The following UBE2W variants were observed in gnomAD, a reference collection of about 807,000 sequenced individuals.
UBE2W encodes the protein ubiquitin-conjugating enzyme E2 W.
A neutral mutation model predicts 27.2 loss-of-function variants in UBE2W; 18 were observed. The observed-to-expected ratio is 0.66, with a 90% CI of 0.46 to 0.98. The LOEUF (loss-of-function observed/expected upper bound fraction) is 0.98, where lower values mean the gene tolerates loss of function less well. UBE2W is among the 50% of genes least tolerant of loss of function. The pLI, the probability that UBE2W is intolerant of heterozygous loss-of-function variation, is 0.00. For synonymous variants in UBE2W, 53 were observed against 57.2 expected (o/e 0.93, Z 0.33); for missense variants, 90 against 180.2 (o/e 0.50, Z 2.87).
At chr8:73,850,739 A>AC (rs1441353018) in intron 1 of UBE2W, among the ~76,000 whole-genome samples, 4 of 150,778 alleles carry the variant, frequency 2.7e-5, no homozygotes, top group African/African-American at 9.7e-5. Context: ...AAAAAAAAAA[A>AC]AAAAAAAAAA....
At chr8:73,818,597 C>A (rs927658376) in intron 3 of UBE2W, among the ~76,000 whole-genome samples, 1 of 152,208 alleles carries the variant, frequency 6.6e-6, no homozygotes, top group Admixed American at 6.5e-5. Flanking sequence ...CTGACTAATA[C>A]AGTTTGGATG....
intron 5 of UBE2W, chr8:73,795,692 TTAAAAATAAATCA>T: frequency 1.3e-6 from 1 of 747,122 alleles, no homozygotes; most frequent in Non-Finnish European, 1.6e-6. Flanking sequence ...AGACTGGAGT[TTAAAAATAAATCA>T]TCCCTAATTC....
intron 1 of UBE2W, among the ~76,000 whole-genome samples, chr8:73,876,803 T>C (rs541122264): frequency 6.6e-6 from 1 of 152,234 alleles, no homozygotes; most frequent in Admixed American, 6.5e-5. Flanking sequence ...ACCCCGTCTC[T>C]ACTGAAATAC....
chr8:73,860,581 G>T (rs1811497982), intron 1 of UBE2W, among the ~76,000 whole-genome samples: 1 of 152,180 alleles, frequency 6.6e-6, no homozygotes, highest in Admixed American at 6.5e-5. Context: ...GGTAAAACAT[G>T]ATACGGAGGC....
rs1812358825 is a variant in UBE2W at position 73,878,823 on chromosome 8, G to GATGGA, written c.-6_-2dup. The GATGGA allele has an allele frequency of 6.4e-7, 1 of 1,550,980 alleles. No homozygotes were observed. The highest frequency in any genetic ancestry group is 8.7e-7 in the Non-Finnish European group (1 of 1,146,618). ...CTCCTCTCACCTGCATTGACGCCAT[G>GATGGA]ATGGAACCATCCCCCCAAGACCGGC... is the stretch of plus-strand genomic sequence containing the variant. On this transcript the variant is annotated 5_prime_UTR_variant, in exon 1 of 6. Transcript: ENST00000602593.
chr8:73,793,149 T>C lies in UBE2W; in HGVS notation c.*953A>G, dbSNP rs1808272670. The C allele has an allele frequency of 1.0e-6, 1 of 985,700 alleles. No homozygotes were observed. The highest frequency in any genetic ancestry group is 1.7e-5 in the African/African-American group (1 of 57,226). 61.1% of individuals were successfully genotyped at this position (985,700 alleles called of 1,614,324 possible). A position where few individuals can be genotyped will look rare whatever the true frequency, so the allele number is the denominator to read the frequency against. On this transcript the variant is annotated 3_prime_UTR_variant, in exon 6 of 6. Coordinates refer to ENST00000602593, the MANE Select transcript of UBE2W (RefSeq NM_018299.6). ...TGCAAACAAAAATGTTTACGGGGTT[T>C]CCAAACATAAATAAATGAAATAGTG... is the stretch of plus-strand genomic sequence containing the variant.
chr8:73,787,765 A>T lies in UBE2W; in HGVS notation c.*6337T>A. On this transcript the variant is annotated 3_prime_UTR_variant, in exon 6 of 6. Coordinates refer to ENST00000602593, the MANE Select transcript of UBE2W (RefSeq NM_018299.6). ...TTGTATACTCCAGAAAGCATCCAGA[A>T]GTTCTTAGAGTATGCCCTTAATTGT... is the stretch of plus-strand genomic sequence containing the variant. 2.0e-6 allele frequency: 2 copies of T among 985,432 alleles called. No homozygotes were observed. The highest frequency in any genetic ancestry group is 9.4e-5 in the South Asian group (2 of 21,284). The allele number at this position is 985,432 out of a possible 1,614,324, so 61.0% of individuals were successfully genotyped here. A position where few individuals can be genotyped will look rare whatever the true frequency, so the allele number is the denominator to read the frequency against.
chr8:73,820,328 A>C (rs532159651), intron 3 of UBE2W, among the ~76,000 whole-genome samples: 8 of 152,310 alleles, frequency 5.3e-5, no homozygotes, highest in African/African-American at 1.9e-4. Context: ...ATTATGTATA[A>C]ATACATTTTA....
intron 1 of UBE2W, among the ~76,000 whole-genome samples, chr8:73,862,274 C>T (rs543772853): frequency 1.3e-5 from 2 of 152,188 alleles, no homozygotes; most frequent in East Asian, 1.9e-4. Context: ...ATTAAAAATA[C>T]AAAAAATAGT....
chr8:73,820,905 T>C (rs757326208), intron 3 of UBE2W, among the ~76,000 whole-genome samples: 3 of 152,026 alleles, frequency 2.0e-5, no homozygotes, highest in Non-Finnish European at 2.9e-5. Context: ...GAGCTATGAT[T>C]ACACCACAGC....
At chr8:73,811,793 T>C (rs777627245) in intron 3 of UBE2W, among the ~76,000 whole-genome samples, 3 of 152,142 alleles carry the variant, frequency 2.0e-5, no homozygotes, top group South Asian at 2.1e-4. Context: ...CCTTAAGTTA[T>C]AGCAGAAACT....
intron 1 of UBE2W, among the ~76,000 whole-genome samples, chr8:73,871,914 A>G (rs1440629477): frequency 1.3e-5 from 2 of 151,898 alleles, no homozygotes; most frequent in African/African-American, 4.8e-5. Context: ...ATTTTTTGAG[A>G]CAGGGTCTCA....
At chr8:73,785,439 A>G (rs977022896), downstream of UBE2W, among the ~76,000 whole-genome samples, 1 of 152,046 alleles carries the variant, frequency 6.6e-6, no homozygotes, top group African/African-American at 2.4e-5. Flanking sequence ...CATCATGCCT[A>G]GCCCATGACA....
rs987857621 is a variant in UBE2W at position 73,792,058 on chromosome 8, CTAA to C, written c.*2041_*2043del. ...CAGCAATATGGAGACAGATTTCTCC[CTAA>C]CCCCCAGAAGAAGATCAAGTCAAAC... On this transcript the variant is annotated 3_prime_UTR_variant, in exon 6 of 6. Transcript: ENST00000602593. 4.2e-5 allele frequency: 41 copies of C among 985,106 alleles called. No homozygotes were observed. The highest frequency in any genetic ancestry group is 4.9e-5 in the Non-Finnish European group (41 of 829,784). 61.0% of individuals were successfully genotyped at this position (985,106 alleles called of 1,614,324 possible). A position where few individuals can be genotyped will look rare whatever the true frequency, so the allele number is the denominator to read the frequency against.
downstream of UBE2W, among the ~76,000 whole-genome samples, chr8:73,782,213 C>T (rs533039332): frequency 6.6e-6 from 1 of 151,708 alleles, no homozygotes; most frequent in African/African-American, 2.4e-5. Context: ...TCCCAAAGTA[C>T]TGGGATTACA....
chr8:73,805,639 C>G lies in UBE2W; in HGVS notation c.442+12G>C. ...AAATGCTAAAAAGTTATTACAAATT[C>G]AAACTGCTTACCATGATACCACCAT... On this transcript the variant is annotated intron_variant, in intron 5 of 5. Transcript: ENST00000602593. 2.0e-6 allele frequency: 3 copies of G among 1,478,384 alleles called. No individual in the cohort carries two copies. Among genetic ancestry groups the G allele is most frequent in the Non-Finnish European group, 2.7e-6 (3 of 1,102,632 alleles). 91.6% of individuals were successfully genotyped at this position (1,478,384 alleles called of 1,614,324 possible).
At chr8:73,783,516 C>A (rs1344454322), downstream of UBE2W, among the ~76,000 whole-genome samples, 1 of 152,068 alleles carries the variant, frequency 6.6e-6, no homozygotes, top group Non-Finnish European at 1.5e-5. Flanking sequence ...TATTTCTGGA[C>A]TCTCTATTCT....
intron 1 of UBE2W, among the ~76,000 whole-genome samples, chr8:73,861,401 C>T (rs1811528727): frequency 6.6e-6 from 1 of 152,124 alleles, no homozygotes; most frequent in South Asian, 2.1e-4. Flanking sequence ...ACAAGAATAT[C>T]ATTCCAAGTA....
At chr8:73,819,838 A>C (rs1202843748) in intron 3 of UBE2W, among the ~76,000 whole-genome samples, 2 of 152,270 alleles carry the variant, frequency 1.3e-5, no homozygotes, top group African/African-American at 4.8e-5. Flanking sequence ...GGTGTGTGAC[A>C]GTCTTACTGA....
Sources: allele counts gnomAD v4.1 joint callset (sites outside exome capture counted in the v4.1 genomes callset), GRCh38; gene constraint gnomAD v4.1.1; transcripts MANE v1.5; gene names NCBI Gene and HGNC (gene_info 2026-07-23, HGNC 2026-07-21).